MACROD2: variants seen among roughly 807,000 people sequenced by gnomAD.
The protein encoded by MACROD2 is mono-ADP ribosylhydrolase 2.
Under a neutral mutation model 70.4 loss-of-function variants are expected in MACROD2, and 36 were observed. The observed-to-expected ratio is 0.51, with a 90% CI of 0.39 to 0.68. The LOEUF (loss-of-function observed/expected upper bound fraction) is 0.68, where lower values mean the gene tolerates loss of function less well. MACROD2 is among the 30% of genes least tolerant of loss of function. MACROD2 has a pLI of 0.00. For synonymous variants in MACROD2, 172 were observed against 178.8 expected (o/e 0.96, Z 0.30); for missense variants, 496 against 538.4 (o/e 0.92, Z 0.78).
chr20:14,711,366 TGAA>T (rs1384877605), intron 5 of MACROD2, among the ~76,000 whole-genome samples: 1 of 152,310 alleles, frequency 6.6e-6, no homozygotes, highest in Non-Finnish European at 1.5e-5. Flanking sequence ...TCAATGTTGT[TGAA>T]GAAGTTAGAA....
intron 5 of MACROD2, among the ~76,000 whole-genome samples, chr20:14,897,589 C>CT (rs1436437630): frequency 6.6e-6 from 1 of 151,898 alleles, no homozygotes; most frequent in Admixed American, 6.6e-5. Context: ...TTTCAGGCTG[C>CT]TTTTTTTCAA....
At chr20:15,104,025 C>G (rs1222613212) in intron 5 of MACROD2, among the ~76,000 whole-genome samples, 1 of 152,030 alleles carries the variant, frequency 6.6e-6, no homozygotes, top group African/African-American at 2.4e-5. Flanking sequence ...ATGGTGATGG[C>G]TTTTTCTAGG....
chr20:14,872,180 T>TG (rs747537480), intron 5 of MACROD2, among the ~76,000 whole-genome samples: 36 of 152,102 alleles, frequency 2.4e-4, no homozygotes, highest in Non-Finnish European at 4.7e-4. Flanking sequence ...GATAGACATC[T>TG]ACAGAACTCT....
chr20:15,682,384 G>C (rs2050172065), intron 8 of MACROD2, among the ~76,000 whole-genome samples: 1 of 152,182 alleles, frequency 6.6e-6, no homozygotes, highest in South Asian at 2.1e-4. Flanking sequence ...AGCTCATGGG[G>C]AAATGCTAAT....
chr20:15,487,365 T>C (rs566627184), intron 7 of MACROD2, among the ~76,000 whole-genome samples: 2 of 152,352 alleles, frequency 1.3e-5, no homozygotes, highest in South Asian at 4.1e-4. Context: ...ATGCCTCACT[T>C]GATATCTTTT....
intron 5 of MACROD2, among the ~76,000 whole-genome samples, chr20:15,045,714 C>G (rs898591211): frequency 8.0e-5 from 11 of 137,548 alleles, no homozygotes; most frequent in Non-Finnish European, 1.5e-4. Context: ...TCTCTCCAGA[C>G]CAGGGTTTTT....
rs1255189741 is a variant in MACROD2 at position 14,838,969 on chromosome 20, G to A, written c.418+154010G>A. On this transcript the variant is annotated intron_variant, in intron 5 of 17. Coordinates refer to ENST00000684519, the MANE Select transcript of MACROD2 (RefSeq NM_001351661.2). ...ATGTCTTTGTGGTCATGGTCTGGCA[G>A]TAATAGAAGCCATATGCTGTGGGTC... is the stretch of plus-strand genomic sequence containing the variant. Among the ~76,000 whole-genome samples, 7 of 152,062 alleles carry A rather than the reference G, an allele frequency of 4.6e-5. No homozygotes were observed. In the East Asian group the frequency reaches 1.3e-3, roughly 29 times the overall value.
chr20:15,554,500 A>G (rs2048139684), intron 8 of MACROD2, among the ~76,000 whole-genome samples: 1 of 151,756 alleles, frequency 6.6e-6, no homozygotes, highest in East Asian at 1.9e-4. Context: ...AATAAGTTTC[A>G]TATTTTTGGC....
intron 5 of MACROD2, among the ~76,000 whole-genome samples, chr20:14,841,581 G>A (rs426045): frequency 0.57 from 86,829 of 151,754 alleles, 26,179 homozygotes; most frequent in Non-Finnish European, 0.67. Context: ...GTATTTGAAT[G>A]ACACTACAAT....
chr20:14,140,604 A>G (rs2054858080), intron 3 of MACROD2, among the ~76,000 whole-genome samples: 1 of 152,188 alleles, frequency 6.6e-6, no homozygotes, highest in Non-Finnish European at 1.5e-5. Context: ...TTAATGTTTT[A>G]AAGTATCAAC....
intron 8 of MACROD2, among the ~76,000 whole-genome samples, chr20:15,803,638 A>G (rs1056148307): frequency 6.6e-6 from 1 of 152,096 alleles, no homozygotes; most frequent in Non-Finnish European, 1.5e-5. Context: ...CTGGGATGCT[A>G]TTGTCTCTAC....
chr20:15,612,577 AC>A (rs2048984530), intron 8 of MACROD2, among the ~76,000 whole-genome samples: 1 of 152,092 alleles, frequency 6.6e-6, no homozygotes, highest in Non-Finnish European at 1.5e-5. Context: ...GAGACTGCAG[AC>A]CTCCACGTTC....
chr20:15,496,366 C>G (rs1435888724), intron 7 of MACROD2, among the ~76,000 whole-genome samples: 1 of 152,138 alleles, frequency 6.6e-6, no homozygotes, highest in African/African-American at 2.4e-5. Flanking sequence ...GTGGGTCACT[C>G]TTGTGGATGT....
intron 5 of MACROD2, among the ~76,000 whole-genome samples, chr20:14,989,466 G>T (rs2074880639): frequency 6.6e-6 from 1 of 152,160 alleles, no homozygotes; most frequent in Non-Finnish European, 1.5e-5. Flanking sequence ...ACGCATTCAA[G>T]AAAGGGCAGT....
intron 5 of MACROD2, among the ~76,000 whole-genome samples, chr20:14,737,399 T>C (rs182748806): frequency 9.8e-5 from 15 of 152,300 alleles, no homozygotes; most frequent in Middle Eastern, 6.8e-3. Context: ...TTGTGAATAG[T>C]GCTGCAGTAA....
intron 5 of MACROD2, among the ~76,000 whole-genome samples, chr20:15,174,333 C>T (rs866233789): frequency 6.4e-4 from 97 of 152,270 alleles, no homozygotes; most frequent in South Asian, 6.2e-4. Context: ...TAATCCAGCA[C>T]ATATTTTTTA....
At position 14,832,186 on chromosome 20, in the gene MACROD2, G is replaced by T. The variant is rs1165006351; in HGVS notation, c.418+147227G>T. Among the ~76,000 whole-genome samples the T allele has an allele frequency of 1.3e-5, 2 of 151,440 alleles. 1 individual carries two copies. The highest frequency in any genetic ancestry group is 2.9e-5 in the Non-Finnish European group (2 of 67,834). On this transcript the variant is annotated intron_variant, in intron 5 of 17. Coordinates refer to ENST00000684519, the MANE Select transcript of MACROD2 (RefSeq NM_001351661.2). ...GCCTCCCGAGTAGCTGGGACTGCAGGTGCCCGCCACCATGGCCGGCTAATT... is the reference window on the plus strand; with the variant it reads ...GCCTCCCGAGTAGCTGGGACTGCAGTTGCCCGCCACCATGGCCGGCTAATT...
intron 2 of MACROD2, among the ~76,000 whole-genome samples, chr20:14,045,285 C>T (rs1479585845): frequency 3.3e-5 from 5 of 152,344 alleles, no homozygotes; most frequent in African/African-American, 7.2e-5. Context: ...TGGGCACCAA[C>T]GTCGAGGAGG....
At chr20:14,011,287 T>C (rs2052901678) in intron 2 of MACROD2, among the ~76,000 whole-genome samples, 1 of 152,168 alleles carries the variant, frequency 6.6e-6, no homozygotes, top group Non-Finnish European at 1.5e-5. Flanking sequence ...ACCAAAAGAC[T>C]GGCAGCTGGT....
Sources: allele counts gnomAD v4.1 joint callset (sites outside exome capture counted in the v4.1 genomes callset), GRCh38; gene constraint gnomAD v4.1.1; transcripts MANE v1.5; gene names NCBI Gene and HGNC (gene_info 2026-07-23, HGNC 2026-07-21).